The following NEK9 variants were observed in gnomAD, a reference collection of about 807,000 sequenced individuals.
NEK9 encodes serine/threonine-protein kinase Nek9.
In NEK9, 75 loss-of-function variants were observed where a neutral mutation model predicts 123.4. That is an observed-to-expected ratio of 0.61 (90% CI 0.50 to 0.74). NEK9 has a LOEUF of 0.74. Among genes scored for constraint, NEK9 ranks in the 30% least tolerant of loss-of-function variants. The pLI is 0.00. For synonymous variants in NEK9, 438 were observed against 458.7 expected, an observed-to-expected ratio of 0.95 and a Z score of 0.58; for missense variants, 952 against 1,214.4, an observed-to-expected ratio of 0.78 and a Z score of 3.21.
rs138070148 is a variant in NEK9, at chr14:75,085,416, A to G, written c.2818-730T>C. On this transcript the variant is annotated intron_variant, in intron 21 of 21. Transcript: ENST00000238616. ...GGCTCAGAGAAAACAAAGTAGCCCA[A>G]ACACCTACAGCTGGCAAATGGCAAA... Among the ~76,000 whole-genome samples the G allele has an allele frequency of 3.7e-4, 56 of 152,388 alleles. 1 individual carries two copies. The East Asian group carries it at 0.011, about 29-fold the overall frequency.
rs1893904912 is a variant in NEK9, at chr14:75,082,790, G to C, written c.*1774C>G. The C allele has an allele frequency of 2.5e-6, 1 of 394,436 alleles. No homozygotes were observed. The highest frequency in any genetic ancestry group is 4.5e-6 in the Non-Finnish European group (1 of 224,012). The allele number at this position is 394,436 out of a possible 1,614,324, so 24.4% of individuals were successfully genotyped here. On this transcript the variant is annotated 3_prime_UTR_variant, in exon 22 of 22. Coordinates refer to ENST00000238616, the MANE Select transcript of NEK9 (RefSeq NM_033116.6). ...ACATGACAGGTCAATCGGTCCTCAA[G>C]AAAATCAAAGTTGCATTTACATGCT...
chr14:75,087,023 G>A lies in NEK9; in HGVS notation c.2812C>T (p.Gln938Ter). Residue 938 changes from glutamine (Q) to a stop codon, truncating the protein, a stop_gained, in exon 21 of 22, where the codon CAG becomes TAG. Transcript: ENST00000238616. LOFTEE classifies it high-confidence loss of function. ...TATTCTTTTAATGCTCTCACCTGCT[G>A]CCCTCCTTCTAATTTCTTGTTCAAC... ...QKLNKKLEGG[Q>*]QVGMHSKGTQ... The A allele has an allele frequency of 6.2e-7, 1 of 1,613,816 alleles. No homozygotes were observed. Among genetic ancestry groups the A allele is most frequent in the Non-Finnish European group, 8.5e-7 (1 of 1,179,670 alleles).
intron 12 of NEK9, chr14:75,106,287 A>C (rs947371854): frequency 2.0e-6 from 1 of 500,268 alleles, no homozygotes; most frequent in Non-Finnish European, 3.5e-6. Flanking sequence ...CGAACTCGGG[A>C]GGTGGTGGTT....
At chr14:75,107,312 GCACTTAAGA>G (rs1894811349) in intron 11 of NEK9, 22 bp downstream of exon 11, 7 of 1,600,896 alleles carry the variant, frequency 4.4e-6, no homozygotes, top group Non-Finnish European at 6.0e-6. Flanking sequence ...CACATTAAAT[GCACTTAAGA>G]CACTTTCTGC....
At chr14:75,117,077 C>G in intron 6 of NEK9, 118 bp downstream of exon 6, 1 of 1,192,920 alleles carries the variant, frequency 8.4e-7, no homozygotes, top group Non-Finnish European at 1.2e-6. Context: ...AATCTTGTAC[C>G]TGAATACAGG....
intron 6 of NEK9, among the ~76,000 whole-genome samples, chr14:75,114,902 A>G (rs2139788846): frequency 6.6e-6 from 1 of 152,294 alleles, no homozygotes; most frequent in Admixed American, 6.5e-5. Context: ...TCAGAGATGT[A>G]AAGTAACTTG....
intron 18 of NEK9, among the ~76,000 whole-genome samples, chr14:75,093,120 C>G (rs909181029): frequency 2.0e-5 from 3 of 152,196 alleles, no homozygotes; most frequent in African/African-American, 7.2e-5. Flanking sequence ...ATATGAGTTA[C>G]TAGCCATATG....
chr14:75,094,948 T>A (rs1894333176), intron 18 of NEK9, among the ~76,000 whole-genome samples: 1 of 152,096 alleles, frequency 6.6e-6, no homozygotes, highest in Non-Finnish European at 1.5e-5. Flanking sequence ...CTATCAGAGA[T>A]CTTTGGGATG....
chr14:75,125,867 A>C (rs1335625561), intron 1 of NEK9, among the ~76,000 whole-genome samples: 1 of 152,218 alleles, frequency 6.6e-6, no homozygotes, highest in Non-Finnish European at 1.5e-5. Context: ...TTTACCCTAA[A>C]GTAAGATTTT....
Position 75,101,647 on chromosome 14 carries a change from A to G in NEK9, c.1840+10T>C. 6.3e-7 allele frequency: 1 copy of G among 1,586,612 alleles called. No homozygotes were observed. The highest frequency in any genetic ancestry group is 8.7e-7 in the Non-Finnish European group (1 of 1,155,136). On this transcript the variant is annotated intron_variant, in intron 15 of 21. Transcript: ENST00000238616. ...ACTAAGGCATGTGATACAGTTGTAA[A>G]TCAACTTACCATCAATAGCAGCTGT...
chr14:75,092,937 C>G (rs1319259188), intron 18 of NEK9, among the ~76,000 whole-genome samples: 1 of 152,098 alleles, frequency 6.6e-6, no homozygotes, highest in Non-Finnish European at 1.5e-5. Context: ...ACGGAAGCAG[C>G]AGAACTATAG....
Position 75,084,257 on chromosome 14 carries a change from C to T in NEK9, c.*307G>A, listed in dbSNP as rs1893948931. On this transcript the variant is annotated 3_prime_UTR_variant, in exon 22 of 22. Transcript: ENST00000238616. ...GCTACCAGCGCAATTAAGGTGAGCA[C>T]TGTGTCTCCTCTTCAAAGGTGGGAT... The T allele has an allele frequency of 3.3e-6, 1 of 300,646 alleles. No individual in the cohort carries two copies. Among genetic ancestry groups the T allele is most frequent in the South Asian group, 4.7e-5 (1 of 21,226 alleles). 18.6% of individuals were successfully genotyped at this position (300,646 alleles called of 1,614,324 possible).
At chr14:75,109,561 C>A in intron 10 of NEK9, 124 bp downstream of exon 10, 1 of 820,584 alleles carries the variant, frequency 1.2e-6, no homozygotes, top group East Asian at 2.7e-5. Flanking sequence ...TAAGAGCTTC[C>A]ATTCCATCAC....
intron 7 of NEK9, among the ~76,000 whole-genome samples, chr14:75,113,983 T>G (rs748600742): frequency 3.6e-4 from 55 of 152,216 alleles, no homozygotes; most frequent in Non-Finnish European, 7.1e-4. Flanking sequence ...GAAATTCATT[T>G]CACAAACTAA....
Position 75,118,750 on chromosome 14 carries a change from G to A in NEK9, c.630+80C>T, listed in dbSNP as rs576451903. Reference sequence around the variant, plus strand: ...AGAACTTGCAAGAATATTGAGAAAAGTATGCAAGATTTAGGGAGTACAGTT... The same window carrying A: ...AGAACTTGCAAGAATATTGAGAAAAATATGCAAGATTTAGGGAGTACAGTT... On this transcript the variant is annotated intron_variant, in intron 5 of 21. Transcript: ENST00000238616. 1.0e-4 allele frequency: 84 copies of A among 826,634 alleles called. No homozygotes were observed. The African/African-American group carries it at 1.3e-3, about 13-fold the overall frequency. 51.2% of individuals were successfully genotyped at this position (826,634 alleles called of 1,614,324 possible).
intron 21 of NEK9, 68 bp from the exon 22 acceptor site, chr14:75,084,754 A>G (rs1438692163): frequency 3.8e-6 from 6 of 1,595,740 alleles, no homozygotes; most frequent in Admixed American, 3.4e-5. Context: ...GTTCAGTACT[A>G]TATTTTCAAT....
intron 6 of NEK9, among the ~76,000 whole-genome samples, chr14:75,114,923 C>T (rs1315322458): frequency 6.6e-6 from 1 of 151,970 alleles, no homozygotes; most frequent in Non-Finnish European, 1.5e-5. Flanking sequence ...CCCAAAATCA[C>T]AGATAGTAAA....
intron 17 of NEK9, chr14:75,096,837 A>G (rs1894402066): frequency 3.1e-6 from 1 of 323,928 alleles, no homozygotes; most frequent in Non-Finnish European, 5.6e-6. Context: ...GACAAAAAAA[A>G]ACAACCAAAA....
chr14:75,105,934 T>C lies in NEK9; in HGVS notation c.1575+16A>G, dbSNP rs1894756238. 1 of 1,605,130 alleles carries C rather than the reference T, an allele frequency of 6.2e-7. No individual in the cohort carries two copies. Among genetic ancestry groups the C allele is most frequent in the African/African-American group, 1.3e-5 (1 of 74,874 alleles). On this transcript the variant is annotated intron_variant, in intron 13 of 21. Transcript: ENST00000238616. ...ACTTAAGATAGGTTTTAGAAATAAG[T>C]TGCTTCTGATTTTACCTTTTGTGGT...
Sources: gnomAD v4.1 joint callset for allele counts (sites outside exome capture counted in the v4.1 genomes callset) on GRCh38, gnomAD v4.1.1 for gene constraint, MANE v1.5 for transcripts, NCBI Gene and HGNC (gene_info 2026-07-23, HGNC 2026-07-21) for gene names.